LRCH1: variants seen among roughly 807,000 people sequenced by gnomAD.
The protein encoded by LRCH1 is leucine rich repeats and calponin homology domain containing 1.
A neutral mutation model predicts 94.9 loss-of-function variants in LRCH1; 23 were observed. The ratio of observed to expected loss-of-function variants is 0.24; its 90% confidence interval spans 0.17 to 0.34. The LOEUF is 0.34. LRCH1 is among the 10% of genes least tolerant of loss of function. The pLI is 1.00. For missense variants in LRCH1, 790 were observed against 945.9 expected (o/e 0.84, Z 2.16); for synonymous variants, 364 against 354.9 (o/e 1.03, Z -0.29).
intron 1 of LRCH1, among the ~76,000 whole-genome samples, chr13:46,598,608 C>G (rs1555271536): frequency 1.4e-5 from 2 of 146,866 alleles, no homozygotes; most frequent in Admixed American, 1.4e-4. Context: ...AAAAAAAGAA[C>G]ACAAACAAAA....
exon 19 of LRCH1, chr13:46,750,903 A>G: frequency 3.0e-6 from 1 of 335,734 alleles, no homozygotes; most frequent in Non-Finnish European, 5.5e-6. Context: ...GCAGCACATC[A>G]ATGCCTTTTC....
At position 46,742,682 on chromosome 13, in the gene LRCH1, G is replaced by A. The variant is rs1467692241; in HGVS notation, c.*834G>A. 4.1e-6 allele frequency: 4 copies of A among 985,376 alleles called. No individual in the cohort carries two copies. The highest frequency in any genetic ancestry group is 5.2e-4 in the Middle Eastern group (1 of 1,912). The allele number at this position is 985,376 out of a possible 1,614,324, so 61.0% of individuals were successfully genotyped here. ...GATTTCTATTTTTGAACAATGGAAC[G>A]GATCACTGCTTTTTTGCCACATCAC... On this transcript the variant is annotated 3_prime_UTR_variant, in exon 20 of 20. Transcript: ENST00000389797.
At chr13:46,587,446 T>C (rs1328397648) in intron 1 of LRCH1, among the ~76,000 whole-genome samples, 2 of 152,242 alleles carry the variant, frequency 1.3e-5, no homozygotes, top group Non-Finnish European at 2.9e-5. Flanking sequence ...ACACTTTTGA[T>C]AATGCTACGT....
Position 46,676,388 on chromosome 13 carries a change from G to A in LRCH1, c.580-5353G>A, listed in dbSNP as rs372966434. Among the ~76,000 whole-genome samples, 14 of 152,294 alleles carry A rather than the reference G, an allele frequency of 9.2e-5. No individual in the cohort carries two copies. In the East Asian group the frequency reaches 1.9e-3, roughly 21 times the overall value. On this transcript the variant is annotated intron_variant, in intron 3 of 19. Transcript: ENST00000389797. ...CAACCAAAATCATTTCATTATCTCTGATGTAGCAAATGGACTTTCCTCATA... is the reference window on the plus strand; with the variant it reads ...CAACCAAAATCATTTCATTATCTCTAATGTAGCAAATGGACTTTCCTCATA...
intron 1 of LRCH1, among the ~76,000 whole-genome samples, chr13:46,559,013 G>A (rs2050101008): frequency 6.6e-6 from 1 of 152,168 alleles, no homozygotes; most frequent in African/African-American, 2.4e-5. Context: ...AGATTTGTGG[G>A]TGGTTTTATC....
chr13:46,571,093 G>C (rs989050372), intron 1 of LRCH1, among the ~76,000 whole-genome samples: 4 of 152,162 alleles, frequency 2.6e-5, no homozygotes, highest in African/African-American at 9.7e-5. Context: ...AAAGTAACTA[G>C]GCATTAAAAA....
intron 1 of LRCH1, among the ~76,000 whole-genome samples, chr13:46,589,307 G>A (rs1254795451): frequency 2.6e-5 from 4 of 152,066 alleles, no homozygotes; most frequent in Admixed American, 2.6e-4. Flanking sequence ...CAGATTATAG[G>A]CATGAGCCAC....
chr13:46,695,396 G>A (rs1432493424), intron 9 of LRCH1, among the ~76,000 whole-genome samples: 2 of 152,220 alleles, frequency 1.3e-5, no homozygotes, highest in Non-Finnish European at 1.5e-5. Context: ...CAAAAGTGGA[G>A]ACTTTTAAAA....
intron 1 of LRCH1, among the ~76,000 whole-genome samples, chr13:46,565,812 AAATAATAATAATAATAAT>A (rs3068690): frequency 2.9e-5 from 4 of 140,146 alleles, no homozygotes; most frequent in Non-Finnish European, 6.1e-5. Flanking sequence ...TCTGTCTCCA[AAATAATAATAATAATAAT>A]AATAATAATA....
At chr13:46,616,710 C>T (rs530721524) in intron 1 of LRCH1, among the ~76,000 whole-genome samples, 318 of 152,268 alleles carry the variant, frequency 2.1e-3, no homozygotes, top group Non-Finnish European at 3.6e-3. Context: ...AAATTTCATG[C>T]GCGTTCGTGT....
rs1374087114 is a variant in LRCH1, at chr13:46,573,868, T to TATATATATATATATATATATA, written c.307+20165_307+20166insATATATATATATATATATATA. ...CAAATATATATATATATATATATAT[T>TATATATATATATATATATATA]TTTTTTTTTTTTGAGATGGAGTCTT... On this transcript the variant is annotated intron_variant, in intron 1 of 19. Transcript: ENST00000389797. Among the ~76,000 whole-genome samples, 7 of 40,454 alleles carry TATATATATATATATATATATA rather than the reference T, an allele frequency of 1.7e-4. No homozygotes were observed. The East Asian group carries it at 3.8e-3, about 22-fold the overall frequency. The allele number at this position is 40,454 out of a possible 152,430, so 26.5% of individuals were successfully genotyped here.
chr13:46,688,300 TA>T (rs1458281951), intron 6 of LRCH1, among the ~76,000 whole-genome samples: 10 of 152,246 alleles, frequency 6.6e-5, no homozygotes, highest in African/African-American at 2.4e-4. Context: ...CAAATGTGAA[TA>T]TTTTTTACTT....
In LRCH1 at chr13:46,744,042, T is replaced by G; in HGVS notation, c.*2194T>G. 2 of 985,442 alleles carry G rather than the reference T, an allele frequency of 2.0e-6. No individual in the cohort carries two copies. The highest frequency in any genetic ancestry group is 1.2e-6 in the Non-Finnish European group (1 of 829,938). 61.0% of individuals were successfully genotyped at this position (985,442 alleles called of 1,614,324 possible). On this transcript the variant is annotated 3_prime_UTR_variant, in exon 20 of 20. Coordinates refer to ENST00000389797, the MANE Select transcript of LRCH1 (RefSeq NM_001164211.2). ...GCAGAACACAATTAATTTAGTCCTTTAGGCAAAAATTTGAATGAACTGTTC... is the reference window on the plus strand; with the variant it reads ...GCAGAACACAATTAATTTAGTCCTTGAGGCAAAAATTTGAATGAACTGTTC...
chr13:46,553,643 T>C lies in LRCH1; in HGVS notation c.247T>C (p.Leu83=), dbSNP rs2050027356. ...SGGLNLSARK[L]KEFPRTAAPG... is the part of the protein sequence containing the mutation. ...GGGGCTGAACCTGAGCGCCAGGAAA[T>C]TGAAGGAATTTCCCCGTACCGCAGC... Residue 83 remains leucine, a synonymous_variant, in exon 1 of 20, where the codon TTG becomes CTG. Coordinates refer to ENST00000389797, the MANE Select transcript of LRCH1 (RefSeq NM_001164211.2). The C allele has an allele frequency of 6.2e-7, 1 of 1,605,344 alleles. No individual in the cohort carries two copies. Among genetic ancestry groups the C allele is most frequent in the Non-Finnish European group, 8.5e-7 (1 of 1,176,828 alleles).
At chr13:46,673,529 A>G (rs990400534) in intron 3 of LRCH1, among the ~76,000 whole-genome samples, 4 of 152,126 alleles carry the variant, frequency 2.6e-5, no homozygotes, top group African/African-American at 4.8e-5. Context: ...GAGGGCCAGA[A>G]GTAATTCTAG....
At chr13:46,709,615 A>G (rs1353170182) in intron 13 of LRCH1, among the ~76,000 whole-genome samples, 4 of 152,172 alleles carry the variant, frequency 2.6e-5, no homozygotes, top group Admixed American at 1.3e-4. Flanking sequence ...ACCTGTGCCC[A>G]TGATTTCGGG....
chr13:46,683,489 G>C (rs1289718451), intron 4 of LRCH1, among the ~76,000 whole-genome samples: 1 of 152,124 alleles, frequency 6.6e-6, no homozygotes, highest in African/African-American at 2.4e-5. Context: ...TTTGGTTTAA[G>C]CAAGCACAAA....
intron 1 of LRCH1, among the ~76,000 whole-genome samples, chr13:46,555,406 T>C (rs974973730): frequency 3.9e-5 from 6 of 152,252 alleles, no homozygotes; most frequent in Non-Finnish European, 8.8e-5. Context: ...ACTTCAGTTA[T>C]GCTAAGGATT....
Position 46,553,718 on chromosome 13 carries a change from A to AG in LRCH1, c.307+19dup. 6.2e-7 allele frequency: 1 copy of AG among 1,603,884 alleles called. No homozygotes were observed. Among genetic ancestry groups the AG allele is most frequent in the South Asian group, 1.1e-5 (1 of 89,732 alleles). On this transcript the variant is annotated intron_variant, in intron 1 of 19. Coordinates refer to ENST00000389797, the MANE Select transcript of LRCH1 (RefSeq NM_001164211.2). ...GGTGCAGGCAGGTGAGTGAGGGCCG[A>AG]GGGGCGGGCAGGGGTGTGGGTGCTG...
Sources: gnomAD v4.1 joint callset for allele counts (sites outside exome capture counted in the v4.1 genomes callset) on GRCh38, gnomAD v4.1.1 for gene constraint, MANE v1.5 for transcripts, NCBI Gene and HGNC (gene_info 2026-07-23, HGNC 2026-07-21) for gene names.